Variants in ZNF704 observed in about 807,000 individuals in gnomAD.
ZNF704 encodes glucocorticoid induced gene 1.
In ZNF704, 10 loss-of-function variants were observed where a neutral mutation model predicts 44.7. The ratio of observed to expected loss-of-function variants is 0.22; its 90% CI spans 0.14 to 0.38. The LOEUF is 0.38. Ranked by LOEUF, ZNF704 falls within the 10% of genes least tolerant of loss-of-function variation. The pLI, the probability that ZNF704 is intolerant of heterozygous loss-of-function variation, is 1.00. For synonymous variants in ZNF704, 211 were observed against 207.6 expected, an observed-to-expected ratio of 1.02 and a Z score of -0.14; for missense variants, 390 against 545.5, an observed-to-expected ratio of 0.71 and a Z score of 2.84.
intron 2 of ZNF704, among the ~76,000 whole-genome samples, chr8:80,728,165 A>C (rs1291182138): frequency 6.6e-6 from 1 of 152,176 alleles, no homozygotes; most frequent in Non-Finnish European, 1.5e-5. Context: ...ATCTAATTTA[A>C]TCCAAATTAT....
chr8:80,818,592 C>A (rs1247965113), intron 2 of ZNF704, among the ~76,000 whole-genome samples: 1 of 152,102 alleles, frequency 6.6e-6, no homozygotes, highest in African/African-American at 2.4e-5. Context: ...GAAATAAAGA[C>A]AAGAAAATGT....
intron 1 of ZNF704, among the ~76,000 whole-genome samples, chr8:80,870,053 C>G (rs898027558): frequency 1.3e-5 from 2 of 152,166 alleles, no homozygotes; most frequent in African/African-American, 4.8e-5. Flanking sequence ...ATTCCCTGGT[C>G]AAGCCTTCAG....
chr8:80,875,042 T>A (rs994854968), upstream of ZNF704, among the ~76,000 whole-genome samples: 6 of 152,276 alleles, frequency 3.9e-5, no homozygotes, highest in African/African-American at 1.4e-4. Flanking sequence ...CTGTTTGCAC[T>A]GTCTGATCTG....
intron 2 of ZNF704, among the ~76,000 whole-genome samples, chr8:80,796,999 G>GCAA (rs201020911): frequency 5.9e-5 from 9 of 151,746 alleles, no homozygotes; most frequent in African/African-American, 1.9e-4. Flanking sequence ...GAGGAAGGAA[G>GCAA]GAAGCAAGCA....
chr8:80,657,972 A>G (rs993041260), intron 7 of ZNF704, among the ~76,000 whole-genome samples: 2 of 152,176 alleles, frequency 1.3e-5, no homozygotes, highest in Non-Finnish European at 2.9e-5. Flanking sequence ...TATTGTTGAA[A>G]AACGAGTGAT....
intron 2 of ZNF704, among the ~76,000 whole-genome samples, chr8:80,782,272 A>C (rs1807539414): frequency 2.0e-5 from 3 of 152,236 alleles, no homozygotes; most frequent in Non-Finnish European, 4.4e-5. Context: ...TGGGCTCGAA[A>C]TAACAAGATG....
At chr8:80,712,304 C>T (rs149288307) in intron 2 of ZNF704, among the ~76,000 whole-genome samples, 165 of 152,340 alleles carry the variant, frequency 1.1e-3, no homozygotes, top group African/African-American at 3.9e-3. Context: ...TTGGACTTCC[C>T]AGCCTCCAAA....
intron 2 of ZNF704, among the ~76,000 whole-genome samples, chr8:80,757,760 A>G (rs968422820): frequency 6.6e-5 from 10 of 152,218 alleles, no homozygotes; most frequent in African/African-American, 2.2e-4. Context: ...ATTTAAATAC[A>G]CAAATACCAT....
rs937451871 is a variant in ZNF704, at chr8:80,629,064, C to T, written c.*12302G>A. 1.1e-4 allele frequency: 16 copies of T among 150,220 alleles called. No homozygotes were observed. The highest frequency in any genetic ancestry group is 3.2e-4 in the African/African-American group (13 of 40,574). 9.3% of individuals were successfully genotyped at this position (150,220 alleles called of 1,614,324 possible). A position where few individuals can be genotyped will look rare whatever the true frequency, so the allele number is the denominator to read the frequency against. ...AGGAAACATTTTTTTTTTTAAAAAA[C>T]GAACACACAAAGTCCAAAACAATGG... On this transcript the variant is annotated 3_prime_UTR_variant, in exon 9 of 9. Transcript: ENST00000327835.
intron 1 of ZNF704, among the ~76,000 whole-genome samples, chr8:80,834,977 A>C (rs1392553466): frequency 6.6e-6 from 1 of 152,220 alleles, no homozygotes. Flanking sequence ...TATTGTAAAT[A>C]GTGTACTACA....
chr8:80,717,511 C>T (rs918091294), intron 2 of ZNF704, among the ~76,000 whole-genome samples: 5 of 152,210 alleles, frequency 3.3e-5, no homozygotes, highest in African/African-American at 1.2e-4. Flanking sequence ...CTTCCTAGGG[C>T]GTTGTGAGAT....
At chr8:80,680,487 G>A (rs139420054) in intron 4 of ZNF704, among the ~76,000 whole-genome samples, 1 of 152,040 alleles carries the variant, frequency 6.6e-6, no homozygotes, top group East Asian at 1.9e-4. Flanking sequence ...AGAGGGCCAA[G>A]TTATTCTGTG....
In ZNF704 at chr8:80,632,973, A is replaced by T. The variant is rs1352842879; in HGVS notation, c.*8393T>A. The stretch of plus-strand genomic sequence containing the variant: ...TTTTTGAGGCTCCTTCTAGCTCCAC[A>T]ACCCAACTGCCTGTGAATGACTTTA... On this transcript the variant is annotated 3_prime_UTR_variant, in exon 9 of 9. Coordinates refer to ENST00000327835, the MANE Select transcript of ZNF704 (RefSeq NM_001033723.3). The T allele has an allele frequency of 1.4e-5, 2 of 145,754 alleles. No individual in the cohort carries two copies. The highest frequency in any genetic ancestry group is 2.9e-5 in the Non-Finnish European group (2 of 67,952). 9.0% of individuals were successfully genotyped at this position (145,754 alleles called of 1,614,324 possible).
intron 2 of ZNF704, among the ~76,000 whole-genome samples, chr8:80,697,848 C>T (rs1818749956): frequency 6.6e-6 from 1 of 152,198 alleles, no homozygotes; most frequent in South Asian, 2.1e-4. Flanking sequence ...TCAGCACCAG[C>T]ACTAGCAGTT....
In ZNF704 at chr8:80,641,344, A is replaced by C; in HGVS notation, c.*22T>G. 2 of 1,540,538 alleles carry C rather than the reference A, an allele frequency of 1.3e-6. No individual in the cohort carries two copies. Among genetic ancestry groups the C allele is most frequent in the Non-Finnish European group, 8.9e-7 (1 of 1,129,574 alleles). On this transcript the variant is annotated 3_prime_UTR_variant, in exon 9 of 9. Coordinates refer to ENST00000327835, the MANE Select transcript of ZNF704 (RefSeq NM_001033723.3). ...AGGGCAGGAGCGGCTCAGGGCCCTG[A>C]GCCCCTCTGCCTGGGGGTCTCTCAG...
chr8:80,700,459 A>C (rs919447806), intron 2 of ZNF704, among the ~76,000 whole-genome samples: 5 of 152,230 alleles, frequency 3.3e-5, no homozygotes, highest in African/African-American at 4.8e-5. Flanking sequence ...AGGGTTTGGA[A>C]GAGTTAAATA....
chr8:80,725,469 CAAG>C (rs1271476825), intron 2 of ZNF704, among the ~76,000 whole-genome samples: 1 of 152,012 alleles, frequency 6.6e-6, no homozygotes. Context: ...GAATTAAGAA[CAAG>C]AAGAACATGG....
At chr8:80,696,267 T>C (rs1818722540) in intron 2 of ZNF704, among the ~76,000 whole-genome samples, 1 of 152,224 alleles carries the variant, frequency 6.6e-6, no homozygotes, top group Admixed American at 6.5e-5. Context: ...ACCTTAAGAC[T>C]CATGTTTGCT....
chr8:80,729,225 C>T (rs1020503641), intron 2 of ZNF704, among the ~76,000 whole-genome samples: 2 of 152,048 alleles, frequency 1.3e-5, no homozygotes, highest in Non-Finnish European at 2.9e-5. Context: ...ATGTAAACTA[C>T]TAAAATGGGG....
Sources: allele counts gnomAD v4.1 joint callset (sites outside exome capture counted in the v4.1 genomes callset), GRCh38; gene constraint gnomAD v4.1.1; transcripts MANE v1.5; gene names NCBI Gene and HGNC (gene_info 2026-07-23, HGNC 2026-07-21).